FAM124A: variants seen among roughly 807,000 people sequenced by gnomAD.
FAM124A encodes protein FAM124A.
In FAM124A, 23 loss-of-function variants were observed where a neutral mutation model predicts 24.5. That is an observed-to-expected ratio of 0.94 (90% CI 0.68 to 1.33). The LOEUF (loss-of-function observed/expected upper bound fraction) is 1.33, where lower values mean the gene tolerates loss of function less well. Ranked by LOEUF, FAM124A falls within the 40% of genes most tolerant of loss-of-function variation. The probability of loss-of-function intolerance (pLI) is 0.00; values close to 1 mark genes in which losing one functional copy is unlikely to be tolerated. For missense variants in FAM124A, 623 were observed against 722.8 expected (o/e 0.86, Z 1.58); for synonymous variants, 287 against 314.7 (o/e 0.91, Z 0.93).
chr13:51,227,195 A>T (rs771333021), intron 1 of FAM124A: 7 of 152,232 alleles, frequency 4.6e-5, no homozygotes, highest in Non-Finnish European at 8.8e-5. Flanking sequence ...CATTCAGAGC[A>T]TCTGAGAGAC....
At chr13:51,223,547 C>A (rs1399922249) in intron 1 of FAM124A, among the ~76,000 whole-genome samples, 2 of 152,170 alleles carry the variant, frequency 1.3e-5, no homozygotes, top group Non-Finnish European at 1.5e-5. Flanking sequence ...TTTGGCAACC[C>A]TGTGAGGGCA....
At chr13:51,245,893 G>T (rs1453901791) in intron 2 of FAM124A, among the ~76,000 whole-genome samples, 2 of 152,184 alleles carry the variant, frequency 1.3e-5, no homozygotes, top group Non-Finnish European at 2.9e-5. Flanking sequence ...CCAGAAACAG[G>T]ATACACAGGA....
In FAM124A at chr13:51,251,773, G is replaced by A. The variant is rs998404432; in HGVS notation, c.406G>A (p.Val136Met). 1 of 1,587,394 alleles carries A rather than the reference G, an allele frequency of 6.3e-7. No individual in the cohort carries two copies. The highest frequency in any genetic ancestry group is 8.6e-7 in the Non-Finnish European group (1 of 1,167,752). The part of the protein sequence containing the change: ...PPWRHHHTEQ[V>M]HGRFLPYLPC... ...CTGGCGCCACCACCACACCGAGCAGGTGCACGGCCGGTTCCTGCCCTACCT... is the reference window on the plus strand; with the variant it reads ...CTGGCGCCACCACCACACCGAGCAGATGCACGGCCGGTTCCTGCCCTACCT... The change falls in exon 3 of 4, where the codon GTG becomes ATG. Residue 136 changes from valine (V) to methionine (M), a missense_variant. Val to Met is a conservative substitution (Grantham distance 21). Coordinates refer to ENST00000322475, the MANE Select transcript of FAM124A (RefSeq NM_001242312.2). This position sits in a 1 kb window ranked among gnomAD's most constrained non-coding sequence, Gnocchi z 5.3.
chr13:51,247,019 T>C (rs987328326), intron 2 of FAM124A, among the ~76,000 whole-genome samples: 1 of 152,248 alleles, frequency 6.6e-6, no homozygotes, highest in African/African-American at 2.4e-5. Flanking sequence ...TGCTGAGATG[T>C]GAAGACCTGG....
intron 3 of FAM124A, among the ~76,000 whole-genome samples, chr13:51,266,611 G>A (rs898386337): frequency 6.6e-6 from 1 of 152,202 alleles, no homozygotes; most frequent in African/African-American, 2.4e-5. Flanking sequence ...CAGAATGGAA[G>A]TGGCAAGGGC....
intron 1 of FAM124A, among the ~76,000 whole-genome samples, chr13:51,224,195 G>A (rs1165880464): frequency 2.0e-5 from 3 of 152,258 alleles, no homozygotes; most frequent in Non-Finnish European, 2.9e-5. Flanking sequence ...TTGGCCAGGT[G>A]CGGTAGCTCG....
intron 1 of FAM124A, among the ~76,000 whole-genome samples, chr13:51,229,908 C>A (rs899817366): frequency 8.5e-5 from 13 of 152,154 alleles, no homozygotes; most frequent in African/African-American, 3.1e-4. Context: ...TCTGTTGTCT[C>A]CCTTAGCTAG....
Position 51,222,421 on chromosome 13 carries a change from G to A in FAM124A, c.-81G>A. ...CCAGACGCTCGGAGGGAGCCCGGCCGGCTCGGACTGGGCGGCCGGGAGGGA... is the reference window on the plus strand; with the variant it reads ...CCAGACGCTCGGAGGGAGCCCGGCCAGCTCGGACTGGGCGGCCGGGAGGGA... On this transcript the variant is annotated 5_prime_UTR_variant, in exon 1 of 4. Transcript: ENST00000322475. 1.8e-6 allele frequency: 2 copies of A among 1,136,182 alleles called. No homozygotes were observed. The highest frequency in any genetic ancestry group is 2.2e-6 in the Non-Finnish European group (2 of 919,858). The allele number at this position is 1,136,182 out of a possible 1,614,324, so 70.4% of individuals were successfully genotyped here.
chr13:51,226,374 A>T (rs1954315887), intron 1 of FAM124A, among the ~76,000 whole-genome samples: 1 of 151,970 alleles, frequency 6.6e-6, no homozygotes, highest in Admixed American at 6.6e-5. Context: ...TTTAGGTAGG[A>T]GGCAGGACAT....
chr13:51,267,695 A>G (rs1954802035), intron 3 of FAM124A, among the ~76,000 whole-genome samples: 1 of 152,164 alleles, frequency 6.6e-6, no homozygotes, highest in African/African-American at 2.4e-5. Context: ...AGAACCAGCT[A>G]CTACTGAACC....
intron 3 of FAM124A, among the ~76,000 whole-genome samples, chr13:51,274,740 T>C (rs1226815762): frequency 2.6e-5 from 4 of 152,260 alleles, no homozygotes; most frequent in Non-Finnish European, 4.4e-5. Flanking sequence ...TGTATTTTTG[T>C]ATTTATTCAT....
At position 51,281,367 on chromosome 13, in the gene FAM124A, A is replaced by C. The variant is rs1322031729; in HGVS notation, c.*111A>C. On this transcript the variant is annotated 3_prime_UTR_variant, in exon 4 of 4. Transcript: ENST00000322475. Reference sequence around the variant, plus strand: ...CATTCTTCATGATCCATTTCCCAGGAGCCCGTAGCACATTTGCCTACCACC... The same window carrying C: ...CATTCTTCATGATCCATTTCCCAGGCGCCCGTAGCACATTTGCCTACCACC... The C allele has an allele frequency of 8.9e-7, 1 of 1,129,426 alleles. No individual in the cohort carries two copies. The highest frequency in any genetic ancestry group is 1.2e-6 in the Non-Finnish European group (1 of 826,730). The allele number at this position is 1,129,426 out of a possible 1,614,324, so 70.0% of individuals were successfully genotyped here. A position where few individuals can be genotyped will look rare whatever the true frequency, so the allele number is the denominator to read the frequency against.
In FAM124A at chr13:51,222,541, T is replaced by C; in HGVS notation, c.40T>C (p.Cys14Arg). ...GGGCGGCGGCGGCGAGGAGGACGAC[T>C]GCGTGGACTCGGGCGCCGAGACCGG... ...KAGGGGEEDD[C>R]VDSGAETGGS... is the part of the protein sequence containing the mutation. The change falls in exon 1 of 4, where the codon TGC becomes CGC. Residue 14 changes from cysteine (C) to arginine (R), a missense_variant. Coordinates refer to ENST00000322475, the MANE Select transcript of FAM124A (RefSeq NM_001242312.2). 3 of 1,225,674 alleles carry C rather than the reference T, an allele frequency of 2.4e-6. No homozygotes were observed. Among genetic ancestry groups the C allele is most frequent in the Non-Finnish European group, 3.0e-6 (3 of 985,140 alleles). The allele number at this position is 1,225,674 out of a possible 1,614,324, so 75.9% of individuals were successfully genotyped here. A position where few individuals can be genotyped will look rare whatever the true frequency, so the allele number is the denominator to read the frequency against.
At position 51,237,307 on chromosome 13, in the gene FAM124A, T is replaced by C. The variant is rs181259129; in HGVS notation, c.100+5928T>C. Among the ~76,000 whole-genome samples, 349 of 152,302 alleles carry C rather than the reference T, an allele frequency of 2.3e-3. 7 individuals carry two copies. The South Asian group carries it at 0.034, about 15-fold the overall frequency. On this transcript the variant is annotated intron_variant, in intron 2 of 3. Coordinates refer to ENST00000322475, the MANE Select transcript of FAM124A (RefSeq NM_001242312.2). ...AAAACAAATGAAAGCACTGGGGAGATGATGTACTTATTTCCAAGTGGAGGA... is the reference window on the plus strand; with the variant it reads ...AAAACAAATGAAAGCACTGGGGAGACGATGTACTTATTTCCAAGTGGAGGA...
chr13:51,268,570 G>T (rs913756172), intron 3 of FAM124A, among the ~76,000 whole-genome samples: 6 of 152,186 alleles, frequency 3.9e-5, no homozygotes, highest in African/African-American at 1.4e-4. Flanking sequence ...CACTTAGGTG[G>T]CAGGATCAGG....
chr13:51,248,033 G>A (rs1361515442), intron 2 of FAM124A, among the ~76,000 whole-genome samples: 3 of 152,182 alleles, frequency 2.0e-5, no homozygotes, highest in Admixed American at 6.5e-5. Flanking sequence ...GGGGGCACAC[G>A]CTTATCAGAT....
intron 2 of FAM124A, among the ~76,000 whole-genome samples, chr13:51,231,595 CT>C (rs1484750334): frequency 1.3e-5 from 2 of 152,220 alleles, no homozygotes; most frequent in Admixed American, 6.5e-5. Flanking sequence ...GTAACCCAGG[CT>C]TTATCAGCTG....
At chr13:51,240,289 C>T (rs1222514411) in intron 2 of FAM124A, among the ~76,000 whole-genome samples, 1 of 152,192 alleles carries the variant, frequency 6.6e-6, no homozygotes, top group Non-Finnish European at 1.5e-5. Flanking sequence ...TGCACATCAC[C>T]TGATTCGGGA....
intron 1 of FAM124A, among the ~76,000 whole-genome samples, 175 bp downstream of exon 1, chr13:51,222,744 C>T (rs1344812724): frequency 1.3e-5 from 2 of 152,096 alleles, no homozygotes. Flanking sequence ...GCAGGGCGGG[C>T]ACCACCCGGG....
Sources: allele counts gnomAD v4.1 joint callset (sites outside exome capture counted in the v4.1 genomes callset), GRCh38; gene constraint gnomAD v4.1.1; non-coding constraint Gnocchi (gnomAD v3.1); transcripts MANE v1.5; gene names NCBI Gene and HGNC (gene_info 2026-07-23, HGNC 2026-07-21).